Variants in SPATA13 observed in about 807,000 individuals in gnomAD.
The protein encoded by SPATA13 is spermatogenesis-associated protein 13.
Under a neutral mutation model 104.0 loss-of-function variants are expected in SPATA13, and 50 were observed. The observed-to-expected ratio is 0.48, with a 90% confidence interval of 0.38 to 0.61. The LOEUF is 0.61. Among genes scored for constraint, SPATA13 ranks in the 20% least tolerant of loss-of-function variants. The probability of loss-of-function intolerance (pLI) is 0.00; values close to 1 mark genes in which losing one functional copy is unlikely to be tolerated. For synonymous variants in SPATA13, 606 were observed against 667.5 expected, an observed-to-expected ratio of 0.91 and a Z score of 1.42; for missense variants, 1,524 against 1,690.6, an observed-to-expected ratio of 0.90 and a Z score of 1.73.
chr13:24,277,219 C>T (rs186336690), intron 4 of SPATA13, among the ~76,000 whole-genome samples: 22 of 151,980 alleles, frequency 1.4e-4, no homozygotes, highest in African/African-American at 2.7e-4. Context: ...CCGAGGCGGG[C>T]GGATCACAAG....
intron 3 of SPATA13, among the ~76,000 whole-genome samples, chr13:24,128,665 C>T (rs1328458438): frequency 6.6e-6 from 1 of 151,470 alleles, no homozygotes; most frequent in African/African-American, 2.4e-5. Context: ...GGAAACAGGA[C>T]TCCCGGGAGC....
Position 24,134,433 on chromosome 13 carries a change from G to A in SPATA13, c.-111-88386G>A, listed in dbSNP as rs144340231. Reference sequence around the variant, plus strand: ...TGTTGTTTATCACAGAGGCAGATGGGTGGGGGTGCGCCTGCTACATAGAGG... The same window carrying A: ...TGTTGTTTATCACAGAGGCAGATGGATGGGGGTGCGCCTGCTACATAGAGG... On this transcript the variant is annotated intron_variant, in intron 3 of 14. Transcript: ENST00000424834. Among the ~76,000 whole-genome samples, 54 of 152,324 alleles carry A rather than the reference G, an allele frequency of 3.5e-4. No individual in the cohort carries two copies. The East Asian group carries it at 4.0e-3, about 11-fold the overall frequency.
At chr13:24,099,876 T>A (rs1412818865) in intron 3 of SPATA13, among the ~76,000 whole-genome samples, 2 of 152,194 alleles carry the variant, frequency 1.3e-5, no homozygotes, top group Admixed American at 6.5e-5. Context: ...TAAACTGTCA[T>A]GTCTGTGAAT....
intron 1 of SPATA13, among the ~76,000 whole-genome samples, chr13:24,184,842 T>C (rs1869044009): frequency 1.3e-5 from 2 of 152,192 alleles, no homozygotes; most frequent in Non-Finnish European, 2.9e-5. Flanking sequence ...CTTTAGTTAT[T>C]TTGATGAAAG....
At chr13:24,222,483 A>G (rs1476720063) in intron 1 of SPATA13, among the ~76,000 whole-genome samples, 2 of 150,648 alleles carry the variant, frequency 1.3e-5, no homozygotes, top group Non-Finnish European at 3.0e-5. Flanking sequence ...TTTTTTTTCC[A>G]TTTCAAATAA....
chr13:24,179,149 G>A (rs566304721), intron 1 of SPATA13, among the ~76,000 whole-genome samples: 2 of 152,140 alleles, frequency 1.3e-5, no homozygotes, highest in Admixed American at 1.3e-4. Flanking sequence ...TTGTATGTAT[G>A]TACCTCATTG....
At chr13:24,013,491 A>G (rs1876571328) in intron 2 of SPATA13, among the ~76,000 whole-genome samples, 1 of 144,620 alleles carries the variant, frequency 6.9e-6, no homozygotes, top group Non-Finnish European at 1.5e-5. Flanking sequence ...GATTCTACCT[A>G]CTCTGAGAAT....
At chr13:24,074,928 A>ATTTGAACACAG (rs111551067) in intron 3 of SPATA13, among the ~76,000 whole-genome samples, 45,805 of 151,986 alleles carry the variant, frequency 0.3, 7,163 homozygotes, top group Middle Eastern at 0.35. Context: ...CATTTGCCTT[A>ATTTGAACACAG]TTTGAACAGT....
At position 23,983,726 on chromosome 13, in the gene SPATA13, G is replaced by C. The variant is rs958470362; in HGVS notation, c.-353-1G>C. 4 of 167,968 alleles carry C rather than the reference G, an allele frequency of 2.4e-5. No individual in the cohort carries two copies. The highest frequency in any genetic ancestry group is 9.6e-5 in the African/African-American group (4 of 41,580). 10.4% of individuals were successfully genotyped at this position (167,968 alleles called of 1,614,324 possible). A position where few individuals can be genotyped will look rare whatever the true frequency, so the allele number is the denominator to read the frequency against. On this transcript the variant is annotated splice_acceptor_variant, in intron 1 of 14. Coordinates refer to the SPATA13 transcript ENST00000424834. LOFTEE classifies it low-confidence loss of function (5UTR_SPLICE). ...ATTTATTTTCACTCTCATCTCTGCA[G>C]GGCCAGCTTCAAACCTTGTCAAGCT...
intron 2 of SPATA13, among the ~76,000 whole-genome samples, chr13:23,999,663 G>C (rs985168283): frequency 7.2e-5 from 11 of 152,258 alleles, no homozygotes; most frequent in African/African-American, 2.6e-4. Context: ...GAAGCCAAAG[G>C]CTCAGGGTAT....
At chr13:24,062,536 C>A (rs1011856042) in intron 3 of SPATA13, among the ~76,000 whole-genome samples, 8 of 152,198 alleles carry the variant, frequency 5.3e-5, no homozygotes, top group African/African-American at 1.7e-4. Flanking sequence ...CATGGAGCCA[C>A]ACTTCTTATT....
intron 7 of SPATA13, among the ~76,000 whole-genome samples, 165 bp from the exon 8 acceptor site, chr13:24,288,834 A>G (rs537921609): frequency 2.6e-5 from 4 of 152,338 alleles, no homozygotes; most frequent in East Asian, 1.9e-4. Flanking sequence ...TAAAACACCT[A>G]TGGCAAATTG....
intron 3 of SPATA13, among the ~76,000 whole-genome samples, chr13:24,145,517 G>A (rs1307133841): frequency 6.6e-6 from 1 of 152,212 alleles, no homozygotes; most frequent in Non-Finnish European, 1.5e-5. Context: ...GGTAACAGAT[G>A]TAATGAAAGT....
intron 3 of SPATA13, among the ~76,000 whole-genome samples, chr13:24,030,074 A>G (rs1373488426): frequency 6.6e-6 from 1 of 150,620 alleles, no homozygotes; most frequent in Non-Finnish European, 1.5e-5. Context: ...ACGCACACAC[A>G]CACACACACA....
chr13:23,991,710 C>A (rs931435577), intron 2 of SPATA13, among the ~76,000 whole-genome samples: 7 of 152,168 alleles, frequency 4.6e-5, no homozygotes, highest in Admixed American at 4.6e-4. Context: ...CAGCCCCTAA[C>A]ACCAAGAGGA....
intron 1 of SPATA13, among the ~76,000 whole-genome samples, chr13:24,187,783 A>T (rs894447492): frequency 6.6e-6 from 1 of 152,198 alleles, no homozygotes; most frequent in Admixed American, 6.5e-5. Flanking sequence ...GGCCACTCCC[A>T]GTCTCTCTGC....
At chr13:23,982,900 C>T (rs370210362) in intron 1 of SPATA13, among the ~76,000 whole-genome samples, 118 of 152,304 alleles carry the variant, frequency 7.7e-4, no homozygotes, top group African/African-American at 2.3e-3. Flanking sequence ...GTGCTAGGTG[C>T]AAGATCCCTT....
intron 1 of SPATA13, among the ~76,000 whole-genome samples, chr13:24,180,328 T>C (rs1481011872): frequency 2.0e-5 from 3 of 152,228 alleles, no homozygotes; most frequent in African/African-American, 7.2e-5. Context: ...TTTCTGAACC[T>C]TTAGTTCTAT....
chr13:24,181,873 G>C (rs1868837482), intron 1 of SPATA13, among the ~76,000 whole-genome samples: 1 of 150,612 alleles, frequency 6.6e-6, no homozygotes, highest in South Asian at 2.1e-4. Flanking sequence ...CCAGCACTTT[G>C]GGAGGCCAAG....
Sources: allele counts gnomAD v4.1 joint callset (sites outside exome capture counted in the v4.1 genomes callset), GRCh38; gene constraint gnomAD v4.1.1; transcripts MANE v1.5; gene names NCBI Gene and HGNC (gene_info 2026-07-23, HGNC 2026-07-21).